Variants in CPM observed in about 807,000 individuals in gnomAD.
The protein encoded by CPM is carboxypeptidase M.
CPM carries 35 observed loss-of-function variants against 46.4 expected under a neutral mutation model. The observed-to-expected ratio is 0.75, with a 90% CI of 0.58 to 1.00. The LOEUF (loss-of-function observed/expected upper bound fraction) is 1.00. Among genes scored for constraint, CPM ranks in the 50% least tolerant of loss-of-function variants. The pLI is 0.00. For missense variants in CPM, 422 were observed against 530.4 expected, an observed-to-expected ratio of 0.80 and a Z score of 2.01; for synonymous variants, 195 against 195.3, an observed-to-expected ratio of 1.00 and a Z score of 0.01.
chr12:68,938,978 GTATA>G (rs1057203976), intron 1 of CPM, among the ~76,000 whole-genome samples: 5 of 147,250 alleles, frequency 3.4e-5, no homozygotes, highest in African/African-American at 1.2e-4. Flanking sequence ...ATATATGTAA[GTATA>G]TAGATATTAT....
intron 2 of CPM, among the ~76,000 whole-genome samples, chr12:68,894,064 T>A (rs566760638): frequency 2.6e-5 from 4 of 152,272 alleles, no homozygotes; most frequent in African/African-American, 9.6e-5. Flanking sequence ...TCTTCACAGC[T>A]GTCTTGTCCT....
chr12:68,920,802 C>T (rs868014996), intron 2 of CPM, among the ~76,000 whole-genome samples: 13 of 150,310 alleles, frequency 8.6e-5, no homozygotes, highest in African/African-American at 2.0e-4. Flanking sequence ...GTGATTCTCC[C>T]GCCTCAGACT....
intron 3 of CPM, among the ~76,000 whole-genome samples, chr12:68,883,766 A>G (rs1295867607): frequency 6.6e-6 from 1 of 152,036 alleles, no homozygotes; most frequent in Non-Finnish European, 1.5e-5. Flanking sequence ...TAAAAAAACT[A>G]CTAAAGACAA....
At chr12:68,903,026 T>C (rs917095711) in intron 2 of CPM, among the ~76,000 whole-genome samples, 18 of 152,230 alleles carry the variant, frequency 1.2e-4, no homozygotes, top group African/African-American at 4.1e-4. Flanking sequence ...AGATGCTTTC[T>C]GGAAGTTGTA....
At chr12:68,845,409 CAAAAT>C (rs1483884777) in intron 5 of CPM, 5 of 208,366 alleles carry the variant, frequency 2.4e-5, no homozygotes, top group African/African-American at 1.1e-4. Flanking sequence ...AAACGAAAGG[CAAAAT>C]AAAACCGTAA....
At position 68,856,119 on chromosome 12, in the gene CPM, T is replaced by G. The variant is rs1884957297; in HGVS notation, c.*318A>C. The G allele has an allele frequency of 3.3e-6, 1 of 300,092 alleles. No homozygotes were observed. The highest frequency in any genetic ancestry group is 2.1e-5 in the African/African-American group (1 of 47,224). The allele number at this position is 300,092 out of a possible 1,614,324, so 18.6% of individuals were successfully genotyped here. ...CCGGTTCTCTGTATACAAAATGATC[T>G]TCTTTTTGCAGGCATTTTTTTGCTT... On this transcript the variant is annotated 3_prime_UTR_variant, in exon 9 of 9. Transcript: ENST00000551568.
At chr12:68,893,130 A>T (rs1432224900) in intron 2 of CPM, among the ~76,000 whole-genome samples, 1 of 119,360 alleles carries the variant, frequency 8.4e-6, no homozygotes. Context: ...AACTTAAATT[A>T]AAAAAAAACA....
intron 8 of CPM, among the ~76,000 whole-genome samples, chr12:68,856,915 A>G (rs1885000238): frequency 6.6e-6 from 1 of 152,322 alleles, no homozygotes; most frequent in Admixed American, 6.5e-5. Context: ...ATAAGGACAG[A>G]TGGGTACCTC....
chr12:68,917,847 C>G (rs1887873914), intron 2 of CPM, among the ~76,000 whole-genome samples: 1 of 152,148 alleles, frequency 6.6e-6, no homozygotes. Context: ...GTGGGCTTTC[C>G]TGGGTGGAGG....
chr12:68,877,258 G>A (rs564123643), intron 3 of CPM, among the ~76,000 whole-genome samples: 83 of 152,222 alleles, frequency 5.5e-4, no homozygotes, highest in African/African-American at 1.9e-3. Context: ...TCGAAGCCCC[G>A]AAGTCAGGGA....
At chr12:68,959,036 C>T (rs1045866588) in intron 1 of CPM, among the ~76,000 whole-genome samples, 31 of 152,254 alleles carry the variant, frequency 2.0e-4, no homozygotes, top group African/African-American at 7.5e-4. Flanking sequence ...CCCCCAGTTC[C>T]TGCACCCCAG....
At chr12:68,898,410 C>G (rs1592674196) in intron 2 of CPM, among the ~76,000 whole-genome samples, 1 of 152,184 alleles carries the variant, frequency 6.6e-6, no homozygotes, top group East Asian at 1.9e-4. Context: ...GAGTTTTACC[C>G]TAAAAAGCTC....
intron 2 of CPM, among the ~76,000 whole-genome samples, chr12:68,896,642 C>T (rs1158745394): frequency 6.6e-6 from 1 of 152,116 alleles, no homozygotes; most frequent in Non-Finnish European, 1.5e-5. Context: ...TTTTCTAGAT[C>T]AAATCAAGAG....
At chr12:68,845,322 A>G (rs910733271) in intron 5 of CPM, 5 of 212,772 alleles carry the variant, frequency 2.3e-5, no homozygotes, top group Non-Finnish European at 4.8e-5. Context: ...ATTTACAAAT[A>G]ATACTTTGAG....
chr12:68,932,668 C>T lies in CPM; in HGVS notation c.160+10G>A, dbSNP rs369800558. 6.2e-6 allele frequency: 10 copies of T among 1,613,310 alleles called. No individual in the cohort carries two copies. In the African/African-American group the frequency reaches 9.3e-5, roughly 15 times the overall value. On this transcript the variant is annotated intron_variant, in intron 2 of 8. Coordinates refer to ENST00000551568, the MANE Select transcript of CPM (RefSeq NM_198320.5). Reference sequence around the variant, plus strand: ...AGGGTTTGGCAAAGTGTTCACGAGACGGACCCTACCTTTCACAGATTTCCC... The same window carrying T: ...AGGGTTTGGCAAAGTGTTCACGAGATGGACCCTACCTTTCACAGATTTCCC...
downstream of CPM, chr12:68,848,916 T>C (rs936156775): frequency 2.0e-5 from 3 of 152,056 alleles, no homozygotes; most frequent in Non-Finnish European, 4.4e-5. Context: ...TTTCACTATA[T>C]TGGCCAGGCT....
intron 7 of CPM, among the ~76,000 whole-genome samples, chr12:68,863,259 G>A (rs1885287820): frequency 6.6e-6 from 1 of 152,124 alleles, no homozygotes; most frequent in Non-Finnish European, 1.5e-5. Flanking sequence ...CCATTCCCTT[G>A]CTCTCTAGGT....
At chr12:68,905,890 A>C (rs1046557877) in intron 2 of CPM, among the ~76,000 whole-genome samples, 1 of 152,184 alleles carries the variant, frequency 6.6e-6, no homozygotes, top group South Asian at 2.1e-4. Context: ...ACAGCTGGTC[A>C]TGTCTCAGAT....
chr12:68,873,667 CA>C (rs34150942), intron 3 of CPM, among the ~76,000 whole-genome samples: 12,511 of 69,300 alleles, frequency 0.18, 608 homozygotes, highest in African/African-American at 0.32. Context: ...GACCCTGTCT[CA>C]AAAAAAAAAA....
Sources: allele counts gnomAD v4.1 joint callset (sites outside exome capture counted in the v4.1 genomes callset), GRCh38; gene constraint gnomAD v4.1.1; transcripts MANE v1.5; gene names NCBI Gene and HGNC (gene_info 2026-07-23, HGNC 2026-07-21).